The following GIMD1 variants were observed in gnomAD, a reference collection of about 807,000 sequenced individuals.
GIMD1 encodes the protein GIMAP family P-loop NTPase domain containing 1.
Under a neutral mutation model 14.9 loss-of-function variants are expected in GIMD1, and 14 were observed. The observed-to-expected ratio is 0.94, with a 90% CI of 0.62 to 1.47. GIMD1 has a LOEUF of 1.47. Ranked by LOEUF, GIMD1 falls within the 40% of genes most tolerant of loss-of-function variation. The pLI, the probability that GIMD1 is intolerant of heterozygous loss-of-function variation, is 0.00. For missense variants in GIMD1, 272 were observed against 255.3 expected (o/e 1.07, Z -0.44); for synonymous variants, 91 against 90.5 (o/e 1.01, Z -0.03).
In GIMD1 at chr4:106,367,464, C is replaced by T. The variant is rs533159245; in HGVS notation, c.-2-27G>A. 2.1e-4 allele frequency: 317 copies of T among 1,487,814 alleles called. 1 individual carries two copies. Among genetic ancestry groups the T allele is most frequent in the South Asian group, 4.3e-4 (33 of 76,748 alleles). 92.2% of individuals were successfully genotyped at this position (1,487,814 alleles called of 1,614,324 possible). On this transcript the variant is annotated intron_variant, in intron 1 of 2. Transcript: ENST00000638719. ...TGTAGGAAAACAAAGGCATAGCACG[C>T]ATAATTAGGCTTCTACATTCCCCCA...
At chr4:106,360,314 C>T (rs1240357759) in intron 2 of GIMD1, among the ~76,000 whole-genome samples, 1 of 151,898 alleles carries the variant, frequency 6.6e-6, no homozygotes, top group Admixed American at 6.6e-5. Flanking sequence ...TCTAAAAATA[C>T]CCTGCTTAAA....
intron 2 of GIMD1, among the ~76,000 whole-genome samples, chr4:106,365,199 G>C (rs977569038): frequency 2.0e-5 from 3 of 152,122 alleles, no homozygotes; most frequent in African/African-American, 7.2e-5. Flanking sequence ...TGAAATACAG[G>C]CTTTCATAAT....
At chr4:106,364,212 G>A (rs905688049) in intron 2 of GIMD1, among the ~76,000 whole-genome samples, 3 of 152,080 alleles carry the variant, frequency 2.0e-5, no homozygotes, top group Non-Finnish European at 4.4e-5. Context: ...CAAAATATTA[G>A]AGTACAAATT....
intron 2 of GIMD1, among the ~76,000 whole-genome samples, chr4:106,363,539 G>A (rs907433783): frequency 6.6e-6 from 1 of 152,072 alleles, no homozygotes; most frequent in Non-Finnish European, 1.5e-5. Flanking sequence ...GTGACCTACT[G>A]TAAGTAGGCA....
In GIMD1 at chr4:106,357,940, T is replaced by A. The variant is rs7678943; in HGVS notation, c.*243A>T. ...GCATACATGTCTTCTAGTACACAAA[T>A]GTACACATTTATGTTGGGTATACAC... On this transcript the variant is annotated 3_prime_UTR_variant, in exon 3 of 3. Coordinates refer to ENST00000638719, the MANE Select transcript of GIMD1 (RefSeq NM_001195138.2). 0.14 allele frequency: 46,963 copies of A among 324,310 alleles called. 3,687 individuals are homozygous for A. The highest frequency in any genetic ancestry group is 0.2 in the South Asian group (3,709 of 18,618). The allele number at this position is 324,310 out of a possible 1,614,324, so 20.1% of individuals were successfully genotyped here. A position where few individuals can be genotyped will look rare whatever the true frequency, so the allele number is the denominator to read the frequency against.
At chr4:106,364,548 A>T (rs888115938) in intron 2 of GIMD1, among the ~76,000 whole-genome samples, 1 of 152,182 alleles carries the variant, frequency 6.6e-6, no homozygotes, top group Non-Finnish European at 1.5e-5. Flanking sequence ...CTTCAGGAAG[A>T]TCACAAACAG....
intron 2 of GIMD1, among the ~76,000 whole-genome samples, chr4:106,361,765 G>C (rs1036169073): frequency 6.8e-6 from 1 of 146,292 alleles, no homozygotes; most frequent in Non-Finnish European, 1.5e-5. Context: ...AAATATTTTT[G>C]AGCCCCAGTG....
At position 106,358,200 on chromosome 4, in the gene GIMD1, C is replaced by T. The variant is rs2125933259; in HGVS notation, c.637G>A (p.Val213Ile). The change falls in exon 3 of 3, where the codon GTT becomes ATT. Residue 213 changes from valine to isoleucine, a missense_variant. Coordinates refer to ENST00000638719, the MANE Select transcript of GIMD1 (RefSeq NM_001195138.2). ...MEFIKENCYQVLTFK is the reference protein window; with the variant it reads ...MEFIKENCYQILTFK The stretch of plus-strand genomic sequence containing the variant: ...CCTAAATTTTATTTAAATGTAAGAA[C>T]TTGGTAACAGTTCTCTTTTATAAAT... 2 of 1,496,426 alleles carry T rather than the reference C, an allele frequency of 1.3e-6. No individual in the cohort carries two copies. The highest frequency in any genetic ancestry group is 2.5e-5 in the East Asian group (1 of 40,656). 92.7% of individuals were successfully genotyped at this position (1,496,426 alleles called of 1,614,324 possible). A position where few individuals can be genotyped will look rare whatever the true frequency, so the allele number is the denominator to read the frequency against.
chr4:106,358,558 G>C, intron 2 of GIMD1, 115 bp from the exon 3 acceptor site: 2 of 749,298 alleles, frequency 2.7e-6, no homozygotes, highest in Non-Finnish European at 2.0e-6. Flanking sequence ...TTATGTTTCT[G>C]AAAGCTGATA....
At position 106,367,378 on chromosome 4, in the gene GIMD1, C is replaced by T; in HGVS notation, c.58G>A (p.Gly20Arg). 6.5e-7 allele frequency: 1 copy of T among 1,535,830 alleles called. No homozygotes were observed. Among genetic ancestry groups the T allele is most frequent in the Non-Finnish European group, 8.7e-7 (1 of 1,146,742 alleles). ...AGAATGTTTCCAGCAGAACTTTTTC[C>T]ACTCTGAGTCATGCCAAAGAGGGCC... ...NLALFGMTQS[G>R]KSSAGNILLG... Residue 20 changes from glycine (G) to arginine (R), a missense_variant, in exon 2 of 3, where the codon GGA becomes AGA. Gly to Arg is a moderately radical substitution (Grantham distance 125). Transcript: ENST00000638719.
rs996808287 is a variant in GIMD1 at position 106,360,591 on chromosome 4, G to C, written c.394-2148C>G. Among the ~76,000 whole-genome samples the C allele has an allele frequency of 2.6e-5, 4 of 152,086 alleles. No homozygotes were observed. The South Asian group carries it at 8.3e-4, about 32-fold the overall frequency. Reference sequence around the variant, plus strand: ...GCATCCTCCGCCAAACTCATGTGTTGAAATTCCGATCCCCAGTTCTTCCGG... The same window carrying C: ...GCATCCTCCGCCAAACTCATGTGTTCAAATTCCGATCCCCAGTTCTTCCGG... On this transcript the variant is annotated intron_variant, in intron 2 of 2. Transcript: ENST00000638719.
Position 106,367,380 on chromosome 4 carries a change from C to G in GIMD1, c.56G>C (p.Ser19Thr). ...INLALFGMTQ[S>T]GKSSAGNILL... ...AATGTTTCCAGCAGAACTTTTTCCA[C>G]TCTGAGTCATGCCAAAGAGGGCCAA... Residue 19 changes from serine to threonine, a missense_variant, in exon 2 of 3, where the codon AGT (serine) becomes ACT (threonine). Coordinates refer to ENST00000638719, the MANE Select transcript of GIMD1 (RefSeq NM_001195138.2). 6.5e-7 allele frequency: 1 copy of G among 1,535,910 alleles called. No homozygotes were observed. Among genetic ancestry groups the G allele is most frequent in the Non-Finnish European group, 8.7e-7 (1 of 1,146,758 alleles).
intron 2 of GIMD1, among the ~76,000 whole-genome samples, chr4:106,364,477 C>T (rs975722427): frequency 2.6e-5 from 4 of 152,172 alleles, no homozygotes; most frequent in Non-Finnish European, 5.9e-5. Flanking sequence ...TATTCAGACA[C>T]TCTGCAACAG....
In GIMD1 at chr4:106,357,551, T is replaced by C. The variant is rs1301999263; in HGVS notation, c.*632A>G. The C allele has an allele frequency of 1.3e-5, 2 of 152,004 alleles. No homozygotes were observed. The highest frequency in any genetic ancestry group is 4.1e-4 in the South Asian group (2 of 4,824). 9.4% of individuals were successfully genotyped at this position (152,004 alleles called of 1,614,324 possible). ...AGAGAACAAAAGAACATGACCAGAATCTCAGAAGCCACATCAAGTGTAACC... is the reference window on the plus strand; with the variant it reads ...AGAGAACAAAAGAACATGACCAGAACCTCAGAAGCCACATCAAGTGTAACC... On this transcript the variant is annotated 3_prime_UTR_variant, in exon 3 of 3. Coordinates refer to ENST00000638719, the MANE Select transcript of GIMD1 (RefSeq NM_001195138.2).
intron 2 of GIMD1, among the ~76,000 whole-genome samples, chr4:106,359,454 A>G (rs1770582482): frequency 6.6e-6 from 1 of 151,840 alleles, no homozygotes; most frequent in Admixed American, 6.6e-5. Context: ...TTAGTGCCAG[A>G]TATTATGCTA....
intron 2 of GIMD1, 80 bp downstream of exon 2, chr4:106,366,962 AT>A (rs1175923376): frequency 3.4e-4 from 114 of 334,640 alleles, no homozygotes; most frequent in East Asian, 7.0e-4. Flanking sequence ...TAATAATATT[AT>A]TATTATTATT....
chr4:106,367,373 T>C lies in GIMD1; in HGVS notation c.63A>G (p.Lys21=). 6.5e-7 allele frequency: 1 copy of C among 1,535,962 alleles called. No individual in the cohort carries two copies. Among genetic ancestry groups the C allele is most frequent in the Non-Finnish European group, 8.7e-7 (1 of 1,146,808 alleles). Residue 21 remains lysine (K), a synonymous_variant, in exon 2 of 3, where the codon AAA becomes AAG. Transcript: ENST00000638719. ...LALFGMTQSG[K]SSAGNILLGS... ...CCAGCAGAATGTTTCCAGCAGAACT[T>C]TTTCCACTCTGAGTCATGCCAAAGA...
rs10034311 is a variant in GIMD1 at position 106,367,490 on chromosome 4, A to G, written c.-2-53T>C. The G allele has an allele frequency of 2.3e-3, 3,353 of 1,443,396 alleles. 63 individuals carry two copies. The African/African-American group carries it at 0.039, about 17-fold the overall frequency. The allele number at this position is 1,443,396 out of a possible 1,614,324, so 89.4% of individuals were successfully genotyped here. A position where few individuals can be genotyped will look rare whatever the true frequency, so the allele number is the denominator to read the frequency against. ...ATAATTAGGCTTCTACATTCCCCCA[A>G]TGTAAGTTTTCTTACCTGGCCTGGT... is the stretch of plus-strand genomic sequence containing the variant. On this transcript the variant is annotated intron_variant, in intron 1 of 2. Transcript: ENST00000638719.
At chr4:106,360,926 G>A (rs1244994371) in intron 2 of GIMD1, among the ~76,000 whole-genome samples, 2 of 151,986 alleles carry the variant, frequency 1.3e-5, no homozygotes, top group African/African-American at 2.4e-5. Flanking sequence ...CCAGGTTGTG[G>A]TACTTTGTTA....
Sources: gnomAD v4.1 joint callset for allele counts (sites outside exome capture counted in the v4.1 genomes callset) on GRCh38, gnomAD v4.1.1 for gene constraint, MANE v1.5 for transcripts, NCBI Gene and HGNC (gene_info 2026-07-23, HGNC 2026-07-21) for gene names.